The following KCNJ16 variants were observed in gnomAD, a reference collection of about 807,000 sequenced individuals.
The protein encoded by KCNJ16 is inward rectifier potassium channel 16.
Under a neutral mutation model 18.5 loss-of-function variants are expected in KCNJ16, and 15 were observed. The ratio of observed to expected loss-of-function variants is 0.81; its 90% confidence interval spans 0.54 to 1.25. The LOEUF (loss-of-function observed/expected upper bound fraction) is 1.25. KCNJ16 is among the 50% of genes most tolerant of loss of function. KCNJ16 has a pLI of 0.00. For synonymous variants in KCNJ16, 174 were observed against 186.5 expected (o/e 0.93, Z 0.55); for missense variants, 523 against 525.7 (o/e 0.99, Z 0.05).
intron 1 of KCNJ16, among the ~76,000 whole-genome samples, chr17:70,081,381 T>A (rs2071546004): frequency 6.6e-6 from 1 of 152,156 alleles, no homozygotes; most frequent in African/African-American, 2.4e-5. Flanking sequence ...GATAACAGTA[T>A]TGAGCTGAAG....
At chr17:70,083,629 C>A (rs568895987) in intron 1 of KCNJ16, among the ~76,000 whole-genome samples, 77 of 152,066 alleles carry the variant, frequency 5.1e-4, no homozygotes, top group African/African-American at 1.8e-3. Context: ...GTAGATTATA[C>A]CATCTAGGTT....
At chr17:70,111,885 G>A (rs906764234) in intron 2 of KCNJ16, among the ~76,000 whole-genome samples, 17 of 152,148 alleles carry the variant, frequency 1.1e-4, no homozygotes, top group Admixed American at 2.6e-4. Context: ...GTGGAACTGT[G>A]AGCCCATTAA....
chr17:70,080,461 C>T (rs931188262), intron 1 of KCNJ16, among the ~76,000 whole-genome samples: 2 of 152,042 alleles, frequency 1.3e-5, no homozygotes, highest in Non-Finnish European at 2.9e-5. Context: ...AAAAGAAAAA[C>T]TATCATAAGA....
At chr17:70,116,193 T>C (rs2073397467) in intron 2 of KCNJ16, among the ~76,000 whole-genome samples, 1 of 152,170 alleles carries the variant, frequency 6.6e-6, no homozygotes, top group Non-Finnish European at 1.5e-5. Flanking sequence ...AAAAATTTTA[T>C]TGTATGAGAG....
intron 2 of KCNJ16, among the ~76,000 whole-genome samples, chr17:70,106,247 G>T (rs1054467476): frequency 1.3e-5 from 2 of 152,148 alleles, no homozygotes; most frequent in East Asian, 3.8e-4. Flanking sequence ...TAGAAGTTCT[G>T]AAAGTCTACA....
intron 2 of KCNJ16, among the ~76,000 whole-genome samples, chr17:70,110,336 AC>A (rs1279481393): frequency 6.6e-6 from 1 of 152,138 alleles, no homozygotes; most frequent in Non-Finnish European, 1.5e-5. Context: ...CTTGAAGTGA[AC>A]AGGACGATTT....
chr17:70,103,226 G>A (rs1336519683), intron 2 of KCNJ16, among the ~76,000 whole-genome samples: 2 of 140,860 alleles, frequency 1.4e-5, no homozygotes, highest in African/African-American at 5.2e-5. Context: ...ATATATATGT[G>A]TATTATATAT....
intron 3 of KCNJ16, among the ~76,000 whole-genome samples, chr17:70,131,193 T>TAAAA (rs1598188165): frequency 1.1e-5 from 1 of 87,080 alleles, no homozygotes; most frequent in African/African-American, 7.2e-5. Flanking sequence ...GCTGCCAGTG[T>TAAAA]CAAAAAAAAA....
intron 2 of KCNJ16, among the ~76,000 whole-genome samples, chr17:70,103,825 T>G (rs1225278684): frequency 6.6e-6 from 1 of 152,116 alleles, no homozygotes; most frequent in Non-Finnish European, 1.5e-5. Context: ...AAACACCAAT[T>G]ATTGATTTCC....
rs1296203154 is a variant in KCNJ16 at position 70,098,701 on chromosome 17, T to A, written c.-299-1957T>A. 3.3e-5 allele frequency among the ~76,000 whole-genome samples: 5 copies of A among 152,278 alleles called. No individual in the cohort carries two copies. In the East Asian group the frequency reaches 9.6e-4, roughly 29 times the overall value. On this transcript the variant is annotated intron_variant, in intron 1 of 3. Coordinates refer to ENST00000392671, the MANE Select transcript of KCNJ16 (RefSeq NM_170741.4). ...ATTAATTTTTTTCTGACTCAAATAT[T>A]AGAAGCTAGAAGCTTTTTCTATGAC...
chr17:70,084,962 T>C (rs2071728132), intron 1 of KCNJ16, among the ~76,000 whole-genome samples: 1 of 152,216 alleles, frequency 6.6e-6, no homozygotes, highest in Non-Finnish European at 1.5e-5. Context: ...GCCAACGCTT[T>C]CATCTTAATC....
chr17:70,106,487 TA>T (rs1207818388), intron 2 of KCNJ16, among the ~76,000 whole-genome samples: 5 of 152,096 alleles, frequency 3.3e-5, no homozygotes, highest in African/African-American at 1.2e-4. Context: ...GAGAGAGTGA[TA>T]GGGGGTTAAT....
chr17:70,090,911 C>T (rs1490986430), intron 1 of KCNJ16, among the ~76,000 whole-genome samples: 2 of 152,192 alleles, frequency 1.3e-5, no homozygotes, highest in African/African-American at 4.8e-5. Context: ...GGCTATGAAA[C>T]AAAGATTCAA....
At chr17:70,113,780 G>A (rs6501376) in intron 2 of KCNJ16, among the ~76,000 whole-genome samples, 16,757 of 151,998 alleles carry the variant, frequency 0.11, 3,118 homozygotes, top group African/African-American at 0.38. Flanking sequence ...AGGATGATTC[G>A]TTATTCTTCT....
intron 1 of KCNJ16, among the ~76,000 whole-genome samples, chr17:70,092,130 T>G (rs1327211495): frequency 1.3e-5 from 2 of 152,204 alleles, no homozygotes; most frequent in Non-Finnish European, 2.9e-5. Context: ...TCATTGTGTT[T>G]TTATTGTTTT....
At position 70,082,835 on chromosome 17, in the gene KCNJ16, T is replaced by C. The variant is rs2071613744; in HGVS notation, c.-300+7445T>C. 2.0e-5 allele frequency among the ~76,000 whole-genome samples: 3 copies of C among 152,142 alleles called. No individual in the cohort carries two copies. The South Asian group carries it at 6.2e-4, about 32-fold the overall frequency. On this transcript the variant is annotated intron_variant, in intron 1 of 3. Transcript: ENST00000392671. Reference sequence around the variant, plus strand: ...TAAGTAAGGTAGACTAAAAAAGGCATTTGTGGATCAGCAGAAAGAACACTG... The same window carrying C: ...TAAGTAAGGTAGACTAAAAAAGGCACTTGTGGATCAGCAGAAAGAACACTG...
At chr17:70,115,057 T>A (rs2073350428) in intron 2 of KCNJ16, among the ~76,000 whole-genome samples, 1 of 152,156 alleles carries the variant, frequency 6.6e-6, no homozygotes, top group Admixed American at 6.6e-5. Flanking sequence ...GTGCACAGTC[T>A]TACTAGCAAT....
At chr17:70,126,275 A>G (rs1465504612) in intron 2 of KCNJ16, among the ~76,000 whole-genome samples, 1 of 152,234 alleles carries the variant, frequency 6.6e-6, no homozygotes, top group Non-Finnish European at 1.5e-5. Flanking sequence ...AGGTCTGTTC[A>G]GTAAACACGA....
intron 2 of KCNJ16, among the ~76,000 whole-genome samples, chr17:70,115,235 G>C (rs376485804): frequency 7.9e-5 from 12 of 152,202 alleles, no homozygotes; most frequent in East Asian, 3.9e-4. Flanking sequence ...CTTAGAATCT[G>C]AAAGAAAATA....
Sources: gnomAD v4.1 joint callset for allele counts (sites outside exome capture counted in the v4.1 genomes callset) on GRCh38, gnomAD v4.1.1 for gene constraint, MANE v1.5 for transcripts, NCBI Gene and HGNC (gene_info 2026-07-23, HGNC 2026-07-21) for gene names.